Variants in PROM1 observed in about 807,000 individuals in gnomAD.
The protein encoded by PROM1 is prominin 1.
PROM1 carries 105 observed loss-of-function variants against 116.9 expected under a neutral mutation model. The observed-to-expected ratio is 0.90, with a 90% confidence interval of 0.77 to 1.06. PROM1 has a LOEUF of 1.06. Among genes scored for constraint, PROM1 ranks in the 50% least tolerant of loss-of-function variants. PROM1 has a pLI of 0.00. For synonymous variants in PROM1, 393 were observed against 387.0 expected (o/e 1.02, Z -0.18); for missense variants, 1,122 against 1,045.2 (o/e 1.07, Z -1.01).
At chr4:16,047,645 C>T (rs1476132836) in intron 2 of PROM1, among the ~76,000 whole-genome samples, 2 of 152,126 alleles carry the variant, frequency 1.3e-5, no homozygotes, top group Non-Finnish European at 2.9e-5. Flanking sequence ...AGCAGCAACA[C>T]TAGATTAAGG....
At chr4:16,042,121 T>C (rs1027329952) in intron 2 of PROM1, among the ~76,000 whole-genome samples, 2 of 152,140 alleles carry the variant, frequency 1.3e-5, no homozygotes, top group African/African-American at 4.8e-5. Context: ...GCCAGCATTT[T>C]CTCTGAAATG....
intron 19 of PROM1, among the ~76,000 whole-genome samples, chr4:15,988,849 C>A (rs3796853): frequency 1.9e-4 from 29 of 151,984 alleles, no homozygotes; most frequent in Admixed American, 8.5e-4. Context: ...ATTAGGAAAT[C>A]GAGAGAGAAA....
chr4:16,017,711 C>T (rs1728757895), intron 9 of PROM1, among the ~76,000 whole-genome samples: 1 of 152,100 alleles, frequency 6.6e-6, no homozygotes, highest in Non-Finnish European at 1.5e-5. Context: ...ATCTCAGCTA[C>T]TCAGGAGGCT....
Position 16,000,516 on chromosome 4 carries a change from T to G in PROM1, c.1558A>C (p.Thr520Pro). The change falls in exon 14 of 28, where the codon ACG (threonine) becomes CCG (proline). Residue 520 changes from threonine to proline, a missense_variant. Transcript: ENST00000447510. The part of the protein sequence containing the change: ...NVEKLICEPY[T>P]SKELFRVLDT... ...TTTACCCGGAATAATTCCTTGCTCG[T>G]GTAAGGTTCACAGATCAGTTTTTCC... 1.3e-6 allele frequency: 2 copies of G among 1,594,168 alleles called. No homozygotes were observed. Among genetic ancestry groups the G allele is most frequent in the Non-Finnish European group, 1.7e-6 (2 of 1,162,718 alleles).
chr4:16,076,032 A>T lies in PROM1; in HGVS notation c.-126T>A. 14 of 1,440,250 alleles carry T rather than the reference A, an allele frequency of 9.7e-6. No individual in the cohort carries two copies. The highest frequency in any genetic ancestry group is 1.3e-5 in the Non-Finnish European group (14 of 1,096,210). The allele number at this position is 1,440,250 out of a possible 1,614,324, so 89.2% of individuals were successfully genotyped here. A position where few individuals can be genotyped will look rare whatever the true frequency, so the allele number is the denominator to read the frequency against. On this transcript the variant is annotated 5_prime_UTR_variant, in exon 2 of 28. Transcript: ENST00000447510. Reference sequence around the variant, plus strand: ...GAGCAGGAAGCACTGGATCTGCTGAATCTTCAGTTTTCTGTCTGAGGCTGG... The same window carrying T: ...GAGCAGGAAGCACTGGATCTGCTGATTCTTCAGTTTTCTGTCTGAGGCTGG...
chr4:16,027,465 G>T (rs1299020132), intron 5 of PROM1, among the ~76,000 whole-genome samples: 2 of 152,098 alleles, frequency 1.3e-5, no homozygotes, highest in Non-Finnish European at 2.9e-5. Context: ...AGCATGCCCA[G>T]ATTATTTTAT....
chr4:15,971,080 G>A lies in PROM1; in HGVS notation c.2585C>T (p.Pro862Leu). The change falls in exon 27 of 28, where the codon CCA becomes CTA. Residue 862 changes from proline to leucine, a missense_variant and splice_region_variant. Transcript: ENST00000447510. ...CAACATCAGCTATCAATGTTGTGAT[G>A]GGCTAAAAAACAAAAAAATAAAGAA... ...YGIHNPVMTS[P>L]SQH 1 of 1,572,550 alleles carries A rather than the reference G, an allele frequency of 6.4e-7. No homozygotes were observed. Among genetic ancestry groups the A allele is most frequent in the Non-Finnish European group, 8.6e-7 (1 of 1,159,780 alleles).
chr4:16,040,597 G>A (rs779024415), intron 2 of PROM1, among the ~76,000 whole-genome samples: 8 of 152,232 alleles, frequency 5.3e-5, no homozygotes, highest in Non-Finnish European at 7.3e-5. Context: ...CGAGTTAGAA[G>A]GGAATCCAAG....
rs755669315 is a variant in PROM1, at chr4:16,033,517, TCAAA to T, written c.304-12_304-9del. 9 of 1,565,824 alleles carry T rather than the reference TCAAA, an allele frequency of 5.7e-6. No homozygotes were observed. The highest frequency in any genetic ancestry group is 6.9e-6 in the Non-Finnish European group (8 of 1,151,568). On this transcript the variant is annotated splice_polypyrimidine_tract_variant and intron_variant, in intron 4 of 27. Coordinates refer to ENST00000447510, the MANE Select transcript of PROM1 (RefSeq NM_006017.3). The stretch of plus-strand genomic sequence containing the variant: ...TGCTTCATAGTAGACAATCTGCAAT[TCAAA>T]CAAAAGAAACAGCACATATTGTAGC...
chr4:16,070,841 G>A (rs993268865), intron 2 of PROM1, among the ~76,000 whole-genome samples: 2 of 152,174 alleles, frequency 1.3e-5, no homozygotes, highest in African/African-American at 4.8e-5. Flanking sequence ...GCAATGCCAT[G>A]TAGAATGTTC....
At chr4:15,986,512 G>A (rs1560408985) in intron 20 of PROM1, among the ~76,000 whole-genome samples, 1 of 152,082 alleles carries the variant, frequency 6.6e-6, no homozygotes, top group Non-Finnish European at 1.5e-5. Context: ...ATTGGAAATG[G>A]GGCCTTTTCT....
chr4:16,075,460 A>C (rs1743745702), intron 2 of PROM1, among the ~76,000 whole-genome samples: 1 of 152,240 alleles, frequency 6.6e-6, no homozygotes, highest in African/African-American at 2.4e-5. Context: ...AGAAGTGGAA[A>C]ACCAACATAG....
chr4:16,047,575 T>C (rs143045745), intron 2 of PROM1, among the ~76,000 whole-genome samples: 1 of 152,100 alleles, frequency 6.6e-6, no homozygotes, highest in African/African-American at 2.4e-5. Flanking sequence ...CAATTAGTTT[T>C]GTTACAATTA....
chr4:16,009,251 CA>C, intron 11 of PROM1, 143 bp from the exon 12 acceptor site: 1 of 698,414 alleles, frequency 1.4e-6, no homozygotes, highest in Non-Finnish European at 2.4e-6. Flanking sequence ...GATTCTTCAA[CA>C]AGCATGAATA....
At chr4:16,037,020 G>A (rs749227606) in intron 3 of PROM1, among the ~76,000 whole-genome samples, 1 of 152,098 alleles carries the variant, frequency 6.6e-6, no homozygotes, top group Non-Finnish European at 1.5e-5. Context: ...CAAGGTTATG[G>A]GAGTGCCAAA....
In PROM1 at chr4:16,034,488, C is replaced by T. The variant is rs572837834; in HGVS notation, c.304-979G>A. ...ACAGTGAAGGACCGACCTTGGCAGT[C>T]CGTGTCTCAGACGGTTCCTGAGTTC... is the stretch of plus-strand genomic sequence containing the variant. On this transcript the variant is annotated intron_variant, in intron 4 of 27. Transcript: ENST00000447510. Among the ~76,000 whole-genome samples, 25 of 152,256 alleles carry T rather than the reference C, an allele frequency of 1.6e-4. No individual in the cohort carries two copies. In the East Asian group the frequency reaches 2.7e-3, roughly 16 times the overall value.
Position 15,978,930 on chromosome 4 carries a change from G to A in PROM1, c.2582+465C>T, listed in dbSNP as rs567955804. 1.1e-4 allele frequency among the ~76,000 whole-genome samples: 17 copies of A among 151,974 alleles called. 2 individuals are homozygous for A. Among genetic ancestry groups the A allele is most frequent in the African/African-American group, 3.6e-4 (15 of 41,424 alleles). On this transcript the variant is annotated intron_variant, in intron 26 of 27. Transcript: ENST00000447510. Reference sequence around the variant, plus strand: ...GAGAATGTAAATTCATAAAGATTTCGGAGGAATAATTGAGGTTCTTTTTCT... The same window carrying A: ...GAGAATGTAAATTCATAAAGATTTCAGAGGAATAATTGAGGTTCTTTTTCT...
intron 23 of PROM1, 63 bp from the exon 24 acceptor site, chr4:15,980,600 TG>T: frequency 1.2e-6 from 1 of 851,614 alleles, no homozygotes; most frequent in Admixed American, 3.6e-5. Flanking sequence ...AACAGTTGTT[TG>T]GGGGATTTTT....
At chr4:15,981,108 T>C (rs917461990) in intron 23 of PROM1, among the ~76,000 whole-genome samples, 1 of 151,146 alleles carries the variant, frequency 6.6e-6, no homozygotes, top group Admixed American at 6.6e-5. Context: ...GCTACAGGCG[T>C]CCGCCACCAC....
Sources: allele counts gnomAD v4.1 joint callset (sites outside exome capture counted in the v4.1 genomes callset), GRCh38; gene constraint gnomAD v4.1.1; transcripts MANE v1.5; gene names NCBI Gene and HGNC (gene_info 2026-07-23, HGNC 2026-07-21).